GPD1L: variants seen among roughly 807,000 people sequenced by gnomAD.
GPD1L encodes the protein glycerol-3-phosphate dehydrogenase 1-like protein.
In GPD1L, 17 loss-of-function variants were observed where a neutral mutation model predicts 32.9. The ratio of observed to expected loss-of-function variants is 0.52; its 90% CI spans 0.35 to 0.78. GPD1L has a LOEUF of 0.78. Ranked by LOEUF, GPD1L falls within the 30% of genes least tolerant of loss-of-function variation. The pLI, the probability that GPD1L is intolerant of heterozygous loss-of-function variation, is 0.01. For missense variants in GPD1L, 361 were observed against 447.8 expected, an observed-to-expected ratio of 0.81 and a Z score of 1.75; for synonymous variants, 187 against 165.9, an observed-to-expected ratio of 1.13 and a Z score of -0.98.
rs1234815423 is a variant in GPD1L, at chr3:32,137,316, T to C, written c.226-1271T>C. 3.9e-5 allele frequency among the ~76,000 whole-genome samples: 6 copies of C among 152,240 alleles called. No individual in the cohort carries two copies. The East Asian group carries it at 1.2e-3, about 29-fold the overall frequency. On this transcript the variant is annotated intron_variant, in intron 2 of 7. Coordinates refer to ENST00000282541, the MANE Select transcript of GPD1L (RefSeq NM_015141.4). Reference sequence around the variant, plus strand: ...AATGTTTGTGCATTTTTCTCTAATGTAAAGACATTTGTGGTTGGTGTAGCA... The same window carrying C: ...AATGTTTGTGCATTTTTCTCTAATGCAAAGACATTTGTGGTTGGTGTAGCA...
chr3:32,140,116 A>T, intron 3 of GPD1L, 112 bp from the exon 4 acceptor site: 2 of 1,054,298 alleles, frequency 1.9e-6, no homozygotes, highest in Non-Finnish European at 1.5e-6. Flanking sequence ...AGATGCTTTT[A>T]CTCTTGTAAG....
intron 5 of GPD1L, among the ~76,000 whole-genome samples, chr3:32,147,929 T>G (rs1315658245): frequency 6.6e-6 from 1 of 152,212 alleles, no homozygotes; most frequent in Non-Finnish European, 1.5e-5. Flanking sequence ...TAAAGCCAAT[T>G]AAAGGCCTGG....
At chr3:32,132,444 T>G (rs996511148) in intron 2 of GPD1L, among the ~76,000 whole-genome samples, 9 of 152,194 alleles carry the variant, frequency 5.9e-5, no homozygotes, top group Non-Finnish European at 1.2e-4. Context: ...AAAAAAAAAT[T>G]AATCATTTAC....
intron 5 of GPD1L, among the ~76,000 whole-genome samples, chr3:32,154,158 C>T (rs571193570): frequency 2.0e-5 from 3 of 152,060 alleles, no homozygotes; most frequent in South Asian, 4.2e-4. Context: ...TGTCATAAGG[C>T]GACTAAACTG....
chr3:32,147,282 A>T (rs1700844384), intron 5 of GPD1L, among the ~76,000 whole-genome samples: 1 of 152,218 alleles, frequency 6.6e-6, no homozygotes, highest in Non-Finnish European at 1.5e-5. Context: ...TTGTAAGTGG[A>T]ACTGTACAGT....
chr3:32,148,397 T>C (rs1282584928), intron 5 of GPD1L, among the ~76,000 whole-genome samples: 1 of 152,140 alleles, frequency 6.6e-6, no homozygotes, highest in Non-Finnish European at 1.5e-5. Flanking sequence ...CCAGCTACCT[T>C]GATGGAAAGG....
In GPD1L at chr3:32,168,653, A is replaced by T. The variant is rs953076040; in HGVS notation, c.*2743A>T. The T allele has an allele frequency of 6.6e-6, 1 of 152,638 alleles. No homozygotes were observed. Among genetic ancestry groups the T allele is most frequent in the Non-Finnish European group, 1.5e-5 (1 of 68,042 alleles). 9.5% of individuals were successfully genotyped at this position (152,638 alleles called of 1,614,324 possible). A position where few individuals can be genotyped will look rare whatever the true frequency, so the allele number is the denominator to read the frequency against. ...ACATGTGTACTATATTTGTTTATAGACTGTAGGTGGATATATAATTTAAAA... is the reference window on the plus strand; with the variant it reads ...ACATGTGTACTATATTTGTTTATAGTCTGTAGGTGGATATATAATTTAAAA... On this transcript the variant is annotated 3_prime_UTR_variant, in exon 8 of 8. Transcript: ENST00000282541.
chr3:32,159,423 A>G, intron 6 of GPD1L, 145 bp from the exon 7 acceptor site: 2 of 670,136 alleles, frequency 3.0e-6, no homozygotes, highest in South Asian at 3.9e-5. Context: ...TTTAGGCCGC[A>G]AGTTCGAGGC....
At chr3:32,110,565 C>T (rs1031147088) in intron 1 of GPD1L, among the ~76,000 whole-genome samples, 4 of 152,266 alleles carry the variant, frequency 2.6e-5, no homozygotes, top group African/African-American at 9.6e-5. Flanking sequence ...AATATTGAAT[C>T]TAGCTGGCTT....
At chr3:32,116,096 CT>C (rs1700329915) in intron 1 of GPD1L, among the ~76,000 whole-genome samples, 1 of 152,026 alleles carries the variant, frequency 6.6e-6, no homozygotes, top group Non-Finnish European at 1.5e-5. Context: ...CCAGGTTGAA[CT>C]TTTTAAGTTG....
chr3:32,161,497 CA>C (rs545589278), intron 7 of GPD1L, among the ~76,000 whole-genome samples: 5 of 150,646 alleles, frequency 3.3e-5, no homozygotes, highest in Admixed American at 2.0e-4. Context: ...TTTTAAGTCT[CA>C]AAAAAAAATA....
At chr3:32,150,045 A>T (rs1389366794) in intron 5 of GPD1L, among the ~76,000 whole-genome samples, 2 of 152,212 alleles carry the variant, frequency 1.3e-5, no homozygotes, top group Non-Finnish European at 2.9e-5. Flanking sequence ...CACTTGCGAA[A>T]ACCACTACCA....
Position 32,138,608 on chromosome 3 carries a change from G to C in GPD1L, c.247G>C (p.Glu83Gln). The C allele has an allele frequency of 1.2e-6, 2 of 1,614,048 alleles. No homozygotes were observed. The highest frequency in any genetic ancestry group is 1.7e-6 in the Non-Finnish European group (2 of 1,179,940). ...ENVVAMSNLS[E>Q]AVQDADLLVF... ...GCAGGTTGCCATGTCAAATCTTAGC[G>C]AGGCTGTGCAGGATGCAGACCTGCT... The change falls in exon 3 of 8, where the codon GAG (glutamate) becomes CAG (glutamine). Residue 83 changes from glutamate (E) to glutamine (Q), a missense_variant. By Grantham distance (29) the Glu-to-Gln change is conservative. Transcript: ENST00000282541.
At chr3:32,108,969 C>A (rs1389706864) in intron 1 of GPD1L, among the ~76,000 whole-genome samples, 1 of 152,206 alleles carries the variant, frequency 6.6e-6, no homozygotes, top group Non-Finnish European at 1.5e-5. Flanking sequence ...CCTGCCTCAG[C>A]CTCCTGAGTA....
In GPD1L at chr3:32,148,084, G is replaced by A. The variant is rs536041588; in HGVS notation, c.618+1350G>A. On this transcript the variant is annotated intron_variant, in intron 5 of 7. Coordinates refer to ENST00000282541, the MANE Select transcript of GPD1L (RefSeq NM_015141.4). ...TATTTTTGTTGGTTGAGATTTTTAT[G>A]TGTTTTTAATAGTCCTTCATTAAAC... Among the ~76,000 whole-genome samples, 9 of 152,298 alleles carry A rather than the reference G, an allele frequency of 5.9e-5. No homozygotes were observed. The South Asian group carries it at 1.7e-3, about 28-fold the overall frequency.
At position 32,165,915 on chromosome 3, in the gene GPD1L, A is replaced by T. The variant is rs1288317355; in HGVS notation, c.*5A>T. Reference sequence around the variant, plus strand: ...AGCCATCCAGAGCATACATAAAGTGAATCATGCAACGTGTTGGGGGAAGTT... The same window carrying T: ...AGCCATCCAGAGCATACATAAAGTGTATCATGCAACGTGTTGGGGGAAGTT... On this transcript the variant is annotated 3_prime_UTR_variant, in exon 8 of 8. Transcript: ENST00000282541. The T allele has an allele frequency of 1.3e-6, 2 of 1,502,858 alleles. No homozygotes were observed. Among genetic ancestry groups the T allele is most frequent in the African/African-American group, 2.7e-5 (2 of 72,802 alleles). 93.1% of individuals were successfully genotyped at this position (1,502,858 alleles called of 1,614,324 possible).
At chr3:32,159,433 C>G (rs1701044820) in intron 6 of GPD1L, 135 bp from the exon 7 acceptor site, 1 of 685,612 alleles carries the variant, frequency 1.5e-6, no homozygotes, top group Admixed American at 2.8e-5. Context: ...AAGTTCGAGG[C>G]CAGCCTGCAC....
chr3:32,133,312 T>A (rs1700613690), intron 2 of GPD1L, among the ~76,000 whole-genome samples: 1 of 152,242 alleles, frequency 6.6e-6, no homozygotes, highest in Non-Finnish European at 1.5e-5. Flanking sequence ...ACAGCCTTGG[T>A]ATCTTTTATT....
intron 1 of GPD1L, among the ~76,000 whole-genome samples, chr3:32,121,617 A>ATATATATTTCTC: frequency 1.3e-5 from 1 of 77,308 alleles, no homozygotes; most frequent in African/African-American, 8.2e-5. Context: ...ATATATTTCT[A>ATATATATTTCTC]TATATATTAT....
Sources: allele counts gnomAD v4.1 joint callset (sites outside exome capture counted in the v4.1 genomes callset), GRCh38; gene constraint gnomAD v4.1.1; transcripts MANE v1.5; gene names NCBI Gene and HGNC (gene_info 2026-07-23, HGNC 2026-07-21).